Variants in HDAC9 observed in about 807,000 individuals in gnomAD.
HDAC9 encodes the protein MEF-2 interacting transcription repressor (MITR) protein.
A neutral mutation model predicts 139.4 loss-of-function variants in HDAC9; 41 were observed. That is an observed-to-expected ratio of 0.29 (90% CI 0.23 to 0.38). HDAC9 has a LOEUF of 0.38. HDAC9 is among the 10% of genes least tolerant of loss of function. The pLI is 1.00. For synonymous variants in HDAC9, 517 were observed against 476.2 expected (o/e 1.09, Z -1.12); for missense variants, 1,147 against 1,297.0 (o/e 0.88, Z 1.78).
chr7:18,984,861 C>A (rs1412124634), intron 25 of HDAC9, among the ~76,000 whole-genome samples: 1 of 152,080 alleles, frequency 6.6e-6, no homozygotes, highest in Non-Finnish European at 1.5e-5. Flanking sequence ...CAATTCCCCA[C>A]AAAAACTTGC....
chr7:18,706,613 C>T lies in HDAC9; in HGVS notation c.1732-20967C>T, dbSNP rs947165011. 1.9e-4 allele frequency among the ~76,000 whole-genome samples: 29 copies of T among 152,146 alleles called. 1 individual carries two copies. Among genetic ancestry groups the T allele is most frequent in the Non-Finnish European group, 2.9e-5 (2 of 68,018 alleles). On this transcript the variant is annotated intron_variant, in intron 12 of 25. Coordinates refer to ENST00000686413, the MANE Select transcript of HDAC9 (RefSeq NM_178425.4). ...ACAGTTGAGCGCAGTAGTTCTCAACCTGGGAGGACTTTGTCCTGAGAGACA... is the reference window on the plus strand; with the variant it reads ...ACAGTTGAGCGCAGTAGTTCTCAACTTGGGAGGACTTTGTCCTGAGAGACA...
At chr7:18,202,414 G>A (rs181631158) in intron 2 of HDAC9, among the ~76,000 whole-genome samples, 7 of 151,880 alleles carry the variant, frequency 4.6e-5, no homozygotes, top group Non-Finnish European at 1.0e-4. Flanking sequence ...CTTGCCTTGT[G>A]GTGCATGTTG....
intron 21 of HDAC9, among the ~76,000 whole-genome samples, chr7:18,872,229 G>T (rs544694108): frequency 6.6e-6 from 1 of 152,056 alleles, no homozygotes; most frequent in East Asian, 1.9e-4. Context: ...CTTACTTTTT[G>T]GAATGAGTTC....
At position 18,657,943 on chromosome 7, in the gene HDAC9, A is replaced by G. The variant is rs572788962; in HGVS notation, c.1468-8270A>G. 2.0e-5 allele frequency among the ~76,000 whole-genome samples: 3 copies of G among 151,992 alleles called. No homozygotes were observed. The East Asian group carries it at 5.8e-4, about 30-fold the overall frequency. ...CCCTCTCTCTCTAGGCTCCAGCCAC[A>G]CTGGCCCCCTCTCTTATCTTTGAGG... On this transcript the variant is annotated intron_variant, in intron 11 of 25. Transcript: ENST00000686413.
chr7:18,651,713 A>G (rs1351544717), intron 11 of HDAC9, among the ~76,000 whole-genome samples: 1 of 152,190 alleles, frequency 6.6e-6, no homozygotes, highest in Non-Finnish European at 1.5e-5. Flanking sequence ...GTTATTAATC[A>G]TACAAAATAA....
chr7:18,815,324 G>A (rs564010839), intron 17 of HDAC9, among the ~76,000 whole-genome samples: 1 of 151,684 alleles, frequency 6.6e-6, no homozygotes, highest in African/African-American at 2.4e-5. Flanking sequence ...TTGGCCAATT[G>A]AATTGTTGGG....
At chr7:18,894,699 T>C (rs1468772761) in intron 22 of HDAC9, among the ~76,000 whole-genome samples, 2 of 151,988 alleles carry the variant, frequency 1.3e-5, no homozygotes, top group Non-Finnish European at 2.9e-5. Flanking sequence ...CTTGAAAAAA[T>C]AATCTTAATA....
chr7:18,685,756 T>G (rs1782225408), intron 12 of HDAC9, among the ~76,000 whole-genome samples: 1 of 151,806 alleles, frequency 6.6e-6, no homozygotes. Flanking sequence ...TGCGACAGAG[T>G]TTTTGATATT....
chr7:18,834,289 T>G (rs2129209682), intron 19 of HDAC9, among the ~76,000 whole-genome samples: 2 of 152,246 alleles, frequency 1.3e-5, no homozygotes, highest in South Asian at 4.1e-4. Flanking sequence ...AGCAGTAATA[T>G]TCTATTGAAT....
intron 1 of HDAC9, among the ~76,000 whole-genome samples, chr7:18,433,645 C>G (rs1463686858): frequency 6.6e-6 from 1 of 152,218 alleles, no homozygotes; most frequent in Middle Eastern, 3.4e-3. Context: ...AGAACCAAAT[C>G]AAGATCTCAG....
chr7:18,520,364 AC>A (rs1169892100), intron 2 of HDAC9, among the ~76,000 whole-genome samples: 1 of 152,132 alleles, frequency 6.6e-6, no homozygotes, highest in Non-Finnish European at 1.5e-5. Flanking sequence ...GAAATAGGTT[AC>A]CTGTTACTTG....
chr7:18,412,426 C>T (rs1244776069), intron 1 of HDAC9, among the ~76,000 whole-genome samples: 1 of 152,098 alleles, frequency 6.6e-6, no homozygotes, highest in African/African-American at 2.4e-5. Flanking sequence ...AGGAAGGCTT[C>T]CCACAGTACT....
At chr7:18,897,391 A>T (rs1348448472) in intron 22 of HDAC9, among the ~76,000 whole-genome samples, 1 of 151,976 alleles carries the variant, frequency 6.6e-6, no homozygotes, top group African/African-American at 2.4e-5. Context: ...CTAGGACTTT[A>T]TAACTTTTTC....
chr7:18,323,760 A>G (rs1183620983), intron 1 of HDAC9, among the ~76,000 whole-genome samples: 2 of 152,244 alleles, frequency 1.3e-5, no homozygotes, highest in Non-Finnish European at 1.5e-5. Flanking sequence ...GGGGAATCTC[A>G]GGAAAAGTCA....
chr7:18,649,943 A>G (rs1281447476), intron 11 of HDAC9, among the ~76,000 whole-genome samples: 1 of 152,022 alleles, frequency 6.6e-6, no homozygotes, highest in Non-Finnish European at 1.5e-5. Context: ...TGCATTGCAG[A>G]CCCTTTCTGT....
intron 1 of HDAC9, among the ~76,000 whole-genome samples, chr7:18,096,057 G>C (rs1202921875): frequency 1.3e-5 from 2 of 152,076 alleles, no homozygotes; most frequent in Non-Finnish European, 2.9e-5. Flanking sequence ...TATCACCTGA[G>C]ATCTCTATAA....
At chr7:18,491,154 A>G (rs148469221), upstream of HDAC9, among the ~76,000 whole-genome samples, 1,080 of 152,106 alleles carry the variant, frequency 7.1e-3, 14 homozygotes, top group Middle Eastern at 0.065. Context: ...CTTGAACTCC[A>G]TAATCTCAAG....
intron 22 of HDAC9, among the ~76,000 whole-genome samples, chr7:18,903,421 T>A (rs1801913551): frequency 6.6e-6 from 1 of 152,212 alleles, no homozygotes; most frequent in Non-Finnish European, 1.5e-5. Flanking sequence ...TCCATTTTCA[T>A]CTTTTTTGAC....
At chr7:18,591,488 T>C (rs1830948376) in intron 4 of HDAC9, 28 bp from the exon 5 acceptor site, 4 of 1,547,366 alleles carry the variant, frequency 2.6e-6, no homozygotes, top group Admixed American at 2.0e-5. Flanking sequence ...TGTGTGTGTG[T>C]GTGTGTGTGT....
Sources: gnomAD v4.1 joint callset for allele counts (sites outside exome capture counted in the v4.1 genomes callset) on GRCh38, gnomAD v4.1.1 for gene constraint, MANE v1.5 for transcripts, NCBI Gene and HGNC (gene_info 2026-07-23, HGNC 2026-07-21) for gene names.